SRRM3: variants seen among roughly 807,000 people sequenced by gnomAD.
The protein encoded by SRRM3 is serine/arginine repetitive matrix protein 3.
In SRRM3, 27 loss-of-function variants were observed where a neutral mutation model predicts 66.2. That is an observed-to-expected ratio of 0.41 (90% confidence interval 0.30 to 0.56). SRRM3 has a LOEUF of 0.56. Among genes scored for constraint, SRRM3 ranks in the 20% least tolerant of loss-of-function variants. The pLI, the probability that SRRM3 is intolerant of heterozygous loss-of-function variation, is 0.32. For missense variants in SRRM3, 918 were observed against 991.9 expected (o/e 0.93, Z 1.00); for synonymous variants, 391 against 414.9 (o/e 0.94, Z 0.70).
intron 3 of SRRM3, among the ~76,000 whole-genome samples, chr7:76,258,713 CAAAAAAAAAA>C (rs201265747): frequency 2.9e-5 from 2 of 68,284 alleles, no homozygotes; most frequent in Admixed American, 1.7e-4. Flanking sequence ...GACTCCATCT[CAAAAAAAAAA>C]AAAAAAAAAA....
intron 3 of SRRM3, 133 bp downstream of exon 3, chr7:76,248,422 G>A (rs1325555147): frequency 4.6e-6 from 3 of 646,528 alleles, no homozygotes; most frequent in Non-Finnish European, 8.2e-6. Flanking sequence ...AAGAAGATAA[G>A]GAGAAGGAGA....
chr7:76,229,325 A>G (rs528740837), intron 1 of SRRM3, among the ~76,000 whole-genome samples: 1 of 152,340 alleles, frequency 6.6e-6, no homozygotes, highest in South Asian at 2.1e-4. Context: ...TGTTCCAAAT[A>G]TAAAATTCAA....
intron 3 of SRRM3, among the ~76,000 whole-genome samples, chr7:76,257,507 T>C (rs1402786421): frequency 6.6e-6 from 1 of 150,816 alleles, no homozygotes; most frequent in African/African-American, 2.4e-5. Context: ...TCCTAGTACT[T>C]TGGGAGGCCA....
chr7:76,272,225 CA>C (rs1314386865), intron 11 of SRRM3, among the ~76,000 whole-genome samples: 2 of 152,146 alleles, frequency 1.3e-5, no homozygotes, highest in African/African-American at 4.8e-5. Context: ...ATTCCTGTCC[CA>C]GGGGCCACCT....
chr7:76,223,122 A>G (rs747896709), intron 1 of SRRM3, among the ~76,000 whole-genome samples: 1 of 152,162 alleles, frequency 6.6e-6, no homozygotes, highest in Non-Finnish European at 1.5e-5. Flanking sequence ...CATCATCCCC[A>G]GCATGATAAG....
In SRRM3 at chr7:76,240,321, T is replaced by G. The variant is rs151203774; in HGVS notation, c.233+5022T>G. Among the ~76,000 whole-genome samples, 53 of 152,074 alleles carry G rather than the reference T, an allele frequency of 3.5e-4. 1 individual carries two copies. The highest frequency in any genetic ancestry group is 1.2e-3 in the African/African-American group (51 of 41,484). On this transcript the variant is annotated intron_variant, in intron 2 of 14. Coordinates refer to ENST00000611745, the MANE Select transcript of SRRM3 (RefSeq NM_001110199.3). Reference sequence around the variant, plus strand: ...TAACATAGCAAGACTCCATTTCTACTTTTAAAAATTAAAAATAGGCCGGGT... The same window carrying G: ...TAACATAGCAAGACTCCATTTCTACGTTTAAAAATTAAAAATAGGCCGGGT...
intron 1 of SRRM3, among the ~76,000 whole-genome samples, chr7:76,217,504 C>A (rs1015109682): frequency 4.6e-5 from 7 of 152,132 alleles, no homozygotes; most frequent in Admixed American, 4.6e-4. Context: ...AGGCTGTTCT[C>A]AAATTGCTGA....
intron 1 of SRRM3, among the ~76,000 whole-genome samples, chr7:76,210,942 A>G (rs1277771362): frequency 6.6e-6 from 1 of 152,060 alleles, no homozygotes; most frequent in Non-Finnish European, 1.5e-5. Context: ...AGCTGGGACC[A>G]CAGGCACCTG....
At chr7:76,218,674 C>CTTTTTTTTT (rs11349335) in intron 1 of SRRM3, among the ~76,000 whole-genome samples, 682 of 76,346 alleles carry the variant, frequency 8.9e-3, no homozygotes, top group Middle Eastern at 0.019. Context: ...GCTTTCTTTT[C>CTTTTTTTTT]TTTTTTTTTT....
chr7:76,266,483 TTTA>T (rs2117075707), intron 10 of SRRM3, among the ~76,000 whole-genome samples: 1 of 110,996 alleles, frequency 9.0e-6, no homozygotes, highest in Admixed American at 1.2e-4. Context: ...ATTTATATAT[TTTA>T]TATATTTATA....
intron 1 of SRRM3, among the ~76,000 whole-genome samples, chr7:76,212,802 C>T (rs559700858): frequency 2.0e-5 from 3 of 152,108 alleles, no homozygotes; most frequent in African/African-American, 7.2e-5. Flanking sequence ...CAAGGTGGAC[C>T]GTACACACTA....
In SRRM3 at chr7:76,259,583, T is replaced by TAA. The variant is rs111908455; in HGVS notation, c.336-310_336-309dup. On this transcript the variant is annotated intron_variant, in intron 3 of 14. Coordinates refer to ENST00000611745, the MANE Select transcript of SRRM3 (RefSeq NM_001110199.3). ...CAGAGCAAGACCCTATCTCCAAAAT[T>TAA]AAAAAAAAAAAAAAGAGGAGGGGGC... Among the ~76,000 whole-genome samples, 383 of 135,648 alleles carry TAA rather than the reference T, an allele frequency of 2.8e-3. 1 individual carries two copies. Among genetic ancestry groups the TAA allele is most frequent in the South Asian group, 0.013 (55 of 4,188 alleles). The allele number at this position is 135,648 out of a possible 152,430, so 89.0% of individuals were successfully genotyped here.
At chr7:76,266,336 A>G (rs1345178190) in intron 10 of SRRM3, among the ~76,000 whole-genome samples, 6 of 116,370 alleles carry the variant, frequency 5.2e-5, no homozygotes, top group Non-Finnish European at 9.6e-5. Flanking sequence ...ATATTAATAT[A>G]TATTTCAATA....
intron 1 of SRRM3, among the ~76,000 whole-genome samples, chr7:76,220,725 G>A (rs1473378805): frequency 3.3e-5 from 5 of 152,216 alleles, no homozygotes; most frequent in East Asian, 3.8e-4. Flanking sequence ...GAGCTGCAGT[G>A]CCCGCACCCT....
Position 76,286,169 on chromosome 7 carries a change from G to A in SRRM3, c.*326G>A, listed in dbSNP as rs1281032480. 2 of 430,366 alleles carry A rather than the reference G, an allele frequency of 4.6e-6. No individual in the cohort carries two copies. The highest frequency in any genetic ancestry group is 9.2e-5 in the East Asian group (2 of 21,836). The allele number at this position is 430,366 out of a possible 1,614,324, so 26.7% of individuals were successfully genotyped here. On this transcript the variant is annotated 3_prime_UTR_variant, in exon 15 of 15. Coordinates refer to ENST00000611745, the MANE Select transcript of SRRM3 (RefSeq NM_001110199.3). ...CCAACTCACCAGGCTTGGGACTGCTGCCGGTGGATGGTACCAGAGTCCATG... is the reference window on the plus strand; with the variant it reads ...CCAACTCACCAGGCTTGGGACTGCTACCGGTGGATGGTACCAGAGTCCATG...
chr7:76,223,397 A>T (rs1554603415), intron 1 of SRRM3, among the ~76,000 whole-genome samples: 1 of 152,198 alleles, frequency 6.6e-6, no homozygotes, highest in East Asian at 1.9e-4. Context: ...TGCTCCAGGG[A>T]ATATGTCCCT....
At chr7:76,280,436 G>A (rs1802464787) in intron 11 of SRRM3, among the ~76,000 whole-genome samples, 1 of 146,616 alleles carries the variant, frequency 6.8e-6, no homozygotes, top group Admixed American at 6.8e-5. Context: ...CAAGCGCTGG[G>A]GGTCCGGCCT....
chr7:76,240,953 A>G (rs1430473845), intron 2 of SRRM3, among the ~76,000 whole-genome samples: 1 of 151,790 alleles, frequency 6.6e-6, no homozygotes, highest in Non-Finnish European at 1.5e-5. Context: ...CTGGAGTGCA[A>G]TGGCGCCATC....
At chr7:76,237,046 G>A (rs1554605043) in intron 2 of SRRM3, among the ~76,000 whole-genome samples, 1 of 152,014 alleles carries the variant, frequency 6.6e-6, no homozygotes, top group Non-Finnish European at 1.5e-5. Context: ...TGGGCAGATC[G>A]CTTGAGGTCA....
Sources: allele counts gnomAD v4.1 joint callset (sites outside exome capture counted in the v4.1 genomes callset), GRCh38; gene constraint gnomAD v4.1.1; transcripts MANE v1.5; gene names NCBI Gene and HGNC (gene_info 2026-07-23, HGNC 2026-07-21).